ZFAND6: variants seen among roughly 807,000 people sequenced by gnomAD.
ZFAND6 encodes the protein AN1-type zinc finger protein 6.
A neutral mutation model predicts 24.5 loss-of-function variants in ZFAND6; 12 were observed. That is an observed-to-expected ratio of 0.49 (90% confidence interval 0.31 to 0.79). ZFAND6 has a LOEUF of 0.79. Ranked by LOEUF, ZFAND6 falls within the 30% of genes least tolerant of loss-of-function variation. The pLI is 0.04. For missense variants in ZFAND6, 207 were observed against 245.9 expected (o/e 0.84, Z 1.06); for synonymous variants, 92 against 81.5 (o/e 1.13, Z -0.69).
At chr15:80,086,727 A>G (rs1360639424) in intron 1 of ZFAND6, among the ~76,000 whole-genome samples, 1 of 152,266 alleles carries the variant, frequency 6.6e-6, no homozygotes, top group Non-Finnish European at 1.5e-5. Context: ...CATTAAATAC[A>G]TTCACATTGT....
intron 1 of ZFAND6, among the ~76,000 whole-genome samples, chr15:80,080,288 C>T (rs2037582456): frequency 6.6e-6 from 1 of 152,124 alleles, no homozygotes; most frequent in African/African-American, 2.4e-5. Flanking sequence ...TGAGCCACTG[C>T]ACCCGGCCTA....
At chr15:80,112,898 A>T (rs1188718432) in intron 2 of ZFAND6, 3 of 455,894 alleles carry the variant, frequency 6.6e-6, no homozygotes, top group Non-Finnish European at 1.3e-5. Context: ...ATTAGAGTGT[A>T]CCACAAATCC....
intron 1 of ZFAND6, among the ~76,000 whole-genome samples, 174 bp downstream of exon 1, chr15:80,059,983 C>A (rs542041461): frequency 1.1e-4 from 17 of 151,176 alleles, no homozygotes; most frequent in African/African-American, 3.9e-4. Flanking sequence ...CCGCGGGGGC[C>A]GCGGGCGAGA....
chr15:80,074,622 G>C (rs1407597756), intron 1 of ZFAND6, among the ~76,000 whole-genome samples: 1 of 151,916 alleles, frequency 6.6e-6, no homozygotes, highest in African/African-American at 2.4e-5. Context: ...TACAGGCTTT[G>C]AAATGGTATA....
chr15:80,104,902 C>T (rs1234178669), intron 2 of ZFAND6, among the ~76,000 whole-genome samples: 1 of 152,040 alleles, frequency 6.6e-6, no homozygotes, highest in Non-Finnish European at 1.5e-5. Context: ...TTTTTAAAGT[C>T]ACCTAGAATT....
At chr15:80,134,862 T>C (rs2040783914) in intron 6 of ZFAND6, among the ~76,000 whole-genome samples, 1 of 152,214 alleles carries the variant, frequency 6.6e-6, no homozygotes, top group Non-Finnish European at 1.5e-5. Flanking sequence ...GGTCTGATTA[T>C]TCAAGACTGC....
At chr15:80,069,686 G>C (rs2036863610) in intron 1 of ZFAND6, among the ~76,000 whole-genome samples, 1 of 152,028 alleles carries the variant, frequency 6.6e-6, no homozygotes, top group Non-Finnish European at 1.5e-5. Flanking sequence ...AGGCTGGAGT[G>C]CAATGTCTGC....
chr15:80,111,887 GCT>G (rs1234909294), intron 2 of ZFAND6, among the ~76,000 whole-genome samples: 2 of 152,176 alleles, frequency 1.3e-5, no homozygotes, highest in African/African-American at 4.8e-5. Flanking sequence ...TAGGGCCTTA[GCT>G]GATGGGTTTT....
intron 5 of ZFAND6, among the ~76,000 whole-genome samples, chr15:80,123,796 C>T (rs1432017752): frequency 6.6e-6 from 1 of 152,176 alleles, no homozygotes; most frequent in African/African-American, 2.4e-5. Flanking sequence ...ATTGCTTGAG[C>T]CCAGGAATTC....
intron 2 of ZFAND6, among the ~76,000 whole-genome samples, chr15:80,107,821 AAGAGG>A (rs2039413039): frequency 6.9e-6 from 1 of 145,604 alleles, no homozygotes; most frequent in African/African-American, 2.5e-5. Context: ...CTCTGTCGAA[AAGAGG>A]AGAGGAGAGG....
intron 1 of ZFAND6, among the ~76,000 whole-genome samples, chr15:80,095,052 C>T (rs932985877): frequency 1.3e-5 from 2 of 152,134 alleles, no homozygotes; most frequent in Non-Finnish European, 2.9e-5. Flanking sequence ...GGATTATAGG[C>T]GTGAGCCCAA....
rs1596323261 is a variant in ZFAND6, at chr15:80,133,666, A to G, written c.478+2373A>G. 2.6e-5 allele frequency among the ~76,000 whole-genome samples: 4 copies of G among 152,332 alleles called. No individual in the cohort carries two copies. In the East Asian group the frequency reaches 7.7e-4, roughly 29 times the overall value. ...CCTGAACAAGTTTTTAATGCAGACAAAAGTGCCCTATTCTGGAAGAAAAAG... is the reference window on the plus strand; with the variant it reads ...CCTGAACAAGTTTTTAATGCAGACAGAAGTGCCCTATTCTGGAAGAAAAAG... On this transcript the variant is annotated intron_variant, in intron 6 of 6. Coordinates refer to ENST00000261749, the MANE Select transcript of ZFAND6 (RefSeq NM_019006.4).
chr15:80,120,116 C>CT (rs1183524672), intron 2 of ZFAND6, among the ~76,000 whole-genome samples: 2 of 152,130 alleles, frequency 1.3e-5, no homozygotes, highest in African/African-American at 4.8e-5. Context: ...ACAGACTTGG[C>CT]TTATGTAGAG....
At chr15:80,074,366 G>T (rs1470251539) in intron 1 of ZFAND6, among the ~76,000 whole-genome samples, 1 of 151,728 alleles carries the variant, frequency 6.6e-6, no homozygotes, top group African/African-American at 2.4e-5. Flanking sequence ...TGTTATTCAG[G>T]CTGGCTTTTC....
intron 2 of ZFAND6, among the ~76,000 whole-genome samples, chr15:80,108,508 T>C (rs1008726735): frequency 2.6e-5 from 4 of 152,184 alleles, no homozygotes; most frequent in Non-Finnish European, 2.9e-5. Flanking sequence ...ATAAGAATAT[T>C]GGGTGGCCTT....
intron 2 of ZFAND6, among the ~76,000 whole-genome samples, chr15:80,109,843 AAAC>A (rs2039519371): frequency 6.6e-6 from 1 of 152,250 alleles, no homozygotes. Context: ...TCACTGGCTT[AAAC>A]AACAAATATT....
At chr15:80,097,678 A>G (rs1277881959) in intron 1 of ZFAND6, among the ~76,000 whole-genome samples, 1 of 152,150 alleles carries the variant, frequency 6.6e-6, no homozygotes, top group Non-Finnish European at 1.5e-5. Context: ...AAATAAATAC[A>G]TACATTTATT....
At chr15:80,103,418 A>G (rs1191824972) in intron 2 of ZFAND6, among the ~76,000 whole-genome samples, 2 of 152,152 alleles carry the variant, frequency 1.3e-5, no homozygotes, top group Non-Finnish European at 2.9e-5. Context: ...ATTAATTGGT[A>G]ACTTGTGGAT....
chr15:80,119,616 T>C (rs2040057099), intron 2 of ZFAND6, among the ~76,000 whole-genome samples: 1 of 152,234 alleles, frequency 6.6e-6, no homozygotes, highest in Non-Finnish European at 1.5e-5. Flanking sequence ...CTAATGTTAT[T>C]GTCTGTTTAT....
Sources: gnomAD v4.1 joint callset for allele counts (sites outside exome capture counted in the v4.1 genomes callset) on GRCh38, gnomAD v4.1.1 for gene constraint, MANE v1.5 for transcripts, NCBI Gene and HGNC (gene_info 2026-07-23, HGNC 2026-07-21) for gene names.